Variants in CRLS1 observed in about 807,000 individuals in gnomAD.
CRLS1 encodes cardiolipin synthase 1, also known as cardiolipin synthase (CMP-forming).
Under a neutral mutation model 37.0 loss-of-function variants are expected in CRLS1, and 24 were observed. That is an observed-to-expected ratio of 0.65 (90% confidence interval 0.47 to 0.91). CRLS1 has a LOEUF of 0.91. CRLS1 is among the 40% of genes least tolerant of loss of function. The probability of loss-of-function intolerance (pLI) is 0.00; values close to 1 mark genes in which losing one functional copy is unlikely to be tolerated. For synonymous variants in CRLS1, 135 were observed against 159.7 expected, an observed-to-expected ratio of 0.85 and a Z score of 1.17; for missense variants, 373 against 395.8, an observed-to-expected ratio of 0.94 and a Z score of 0.49.
At chr20:6,011,286 G>T (rs1033726767) in intron 2 of CRLS1, among the ~76,000 whole-genome samples, 1 of 152,078 alleles carries the variant, frequency 6.6e-6, no homozygotes, top group African/African-American at 2.4e-5. Flanking sequence ...AATAAAAGTT[G>T]TATGCCGTCT....
chr20:6,032,151 C>A, intron 5 of CRLS1, 71 bp downstream of exon 5: 2 of 1,190,390 alleles, frequency 1.7e-6, no homozygotes, highest in South Asian at 1.3e-5. Context: ...AAACCTTAGT[C>A]AAGAACAGCT....
At chr20:6,024,832 AG>A (rs1979548754) in intron 3 of CRLS1, among the ~76,000 whole-genome samples, 1 of 152,230 alleles carries the variant, frequency 6.6e-6, no homozygotes, top group Admixed American at 6.5e-5. Flanking sequence ...TCTGAATAGA[AG>A]ATCACGTCAG....
At chr20:6,031,236 T>A (rs2423132) in intron 3 of CRLS1, 49 bp from the exon 4 acceptor site, 8 of 1,243,106 alleles carry the variant, frequency 6.4e-6, no homozygotes, top group Non-Finnish European at 9.3e-6. Flanking sequence ...TAATGCATAT[T>A]AGTACTCTTC....
intron 2 of CRLS1, among the ~76,000 whole-genome samples, chr20:6,011,431 G>A (rs2090130688): frequency 6.6e-6 from 1 of 151,914 alleles, no homozygotes; most frequent in Non-Finnish European, 1.5e-5. Flanking sequence ...CATTTGCATT[G>A]TTACATGGCA....
Position 6,006,460 on chromosome 20 carries a change from G to A in CRLS1, c.214G>A (p.Ala72Thr). ...CGGCCAGCGGAACCACTGTTCGGGC[G>A]CGGGGAAGGCGGCTCCCAGGCCAGC... is the stretch of plus-strand genomic sequence containing the variant. Reference protein sequence around the residue: ...GIGQRNHCSGAGKAAPRPAAG... With the variant: ...GIGQRNHCSGTGKAAPRPAAG... Residue 72 changes from alanine (A) to threonine (T), a missense_variant, in exon 1 of 7, where the codon GCG (alanine) becomes ACG (threonine). By Grantham distance (58) the Ala-to-Thr change is moderately conservative (BLOSUM62 0). Coordinates refer to ENST00000378863, the MANE Select transcript of CRLS1 (RefSeq NM_019095.6). The A allele has an allele frequency of 1.4e-6, 2 of 1,402,552 alleles. No individual in the cohort carries two copies. The highest frequency in any genetic ancestry group is 1.9e-6 in the Non-Finnish European group (2 of 1,080,490). The allele number at this position is 1,402,552 out of a possible 1,614,324, so 86.9% of individuals were successfully genotyped here.
chr20:6,026,441 C>T (rs1315753433), intron 3 of CRLS1, among the ~76,000 whole-genome samples: 3 of 152,144 alleles, frequency 2.0e-5, no homozygotes, highest in African/African-American at 7.2e-5. Flanking sequence ...ATTCGTGCAA[C>T]TCACTTTACT....
Position 6,029,380 on chromosome 20 carries a change from T to TA in CRLS1, c.575-1902dup, listed in dbSNP as rs1421955737. Reference sequence around the variant, plus strand: ...GCTCTTTTTTTTTTTTTTTTTTTTTTAAAGACAGAGTTTCACTCTTGTTGC... The same window carrying TA: ...GCTCTTTTTTTTTTTTTTTTTTTTTTAAAAGACAGAGTTTCACTCTTGTTGC... On this transcript the variant is annotated intron_variant, in intron 3 of 6. Transcript: ENST00000378863. 2.6e-5 allele frequency among the ~76,000 whole-genome samples: 3 copies of TA among 115,998 alleles called. No individual in the cohort carries two copies. The East Asian group carries it at 7.6e-4, about 29-fold the overall frequency. The allele number at this position is 115,998 out of a possible 152,430, so 76.1% of individuals were successfully genotyped here. A position where few individuals can be genotyped will look rare whatever the true frequency, so the allele number is the denominator to read the frequency against.
At chr20:6,015,306 CT>C in intron 2 of CRLS1, 54 bp from the exon 3 acceptor site, 3 of 1,177,178 alleles carry the variant, frequency 2.5e-6, no homozygotes, top group Non-Finnish European at 3.6e-6. Flanking sequence ...TTCAGAATAT[CT>C]GCTTTGTTCC....
At chr20:6,019,512 C>CTTTTTTTTTTTTTTTT (rs10610960) in intron 3 of CRLS1, among the ~76,000 whole-genome samples, 1 of 118,490 alleles carries the variant, frequency 8.4e-6, no homozygotes, top group African/African-American at 3.3e-5. Flanking sequence ...TTTTTTGTCC[C>CTTTTTTTTTTTTTTTT]TTTTTTTTTT....
rs1600339033 is a variant in CRLS1, at chr20:6,006,238, C to T, written c.-9C>T. On this transcript the variant is annotated 5_prime_UTR_variant, in exon 1 of 7. Transcript: ENST00000378863. ...GCCGCCCGAGACCCCGCGGCGCGGCCGCAGGGCCATGCTAGCCTTGCGCGT... is the reference window on the plus strand; with the variant it reads ...GCCGCCCGAGACCCCGCGGCGCGGCTGCAGGGCCATGCTAGCCTTGCGCGT... The T allele has an allele frequency of 2.4e-6, 3 of 1,225,192 alleles. No homozygotes were observed. In the Admixed American group the frequency reaches 1.3e-4, roughly 53 times the overall value. The allele number at this position is 1,225,192 out of a possible 1,614,324, so 75.9% of individuals were successfully genotyped here.
chr20:6,034,170 T>C (rs1329607098), intron 5 of CRLS1, among the ~76,000 whole-genome samples: 1 of 152,236 alleles, frequency 6.6e-6, no homozygotes, highest in Non-Finnish European at 1.5e-5. Context: ...CAAATAATTT[T>C]GTAACATTTT....
chr20:6,031,269 T>C lies in CRLS1; in HGVS notation c.575-16T>C, dbSNP rs1240357309. The C allele has an allele frequency of 6.4e-7, 1 of 1,564,086 alleles. No homozygotes were observed. The highest frequency in any genetic ancestry group is 8.8e-7 in the Non-Finnish European group (1 of 1,140,178). ...TTCAGAATCCCAGTTAAAATTATTTTATGTTTGATTTTCAGTTCCACTTAC... is the reference window on the plus strand; with the variant it reads ...TTCAGAATCCCAGTTAAAATTATTTCATGTTTGATTTTCAGTTCCACTTAC... On this transcript the variant is annotated splice_polypyrimidine_tract_variant and intron_variant, in intron 3 of 6. Transcript: ENST00000378863.
At chr20:6,010,024 T>A (rs2090112292) in intron 2 of CRLS1, 112 bp downstream of exon 2, 11 of 1,078,938 alleles carry the variant, frequency 1.0e-5, no homozygotes, top group Non-Finnish European at 3.8e-6. Flanking sequence ...AACCTCAAGA[T>A]GAATTTGACG....
intron 3 of CRLS1, among the ~76,000 whole-genome samples, chr20:6,017,130 A>G (rs1323404864): frequency 6.6e-6 from 1 of 151,996 alleles, no homozygotes; most frequent in East Asian, 1.9e-4. Flanking sequence ...ACCTACCACC[A>G]TGTGCATCAC....
intron 3 of CRLS1, 181 bp downstream of exon 3, chr20:6,015,671 A>T: frequency 1.7e-6 from 1 of 586,252 alleles, no homozygotes; most frequent in South Asian, 1.9e-5. Context: ...TTTAGAATTT[A>T]TGTCCTTGTT....
intron 3 of CRLS1, among the ~76,000 whole-genome samples, chr20:6,027,277 G>T (rs1260988468): frequency 6.6e-6 from 1 of 151,814 alleles, no homozygotes; most frequent in Non-Finnish European, 1.5e-5. Context: ...TAGAGACAGG[G>T]TTTTACCATG....
chr20:6,015,362 T>G lies in CRLS1; in HGVS notation c.446T>G (p.Leu149Trp), dbSNP rs1978662761. 1 of 1,574,088 alleles carries G rather than the reference T, an allele frequency of 6.4e-7. No individual in the cohort carries two copies. Among genetic ancestry groups the G allele is most frequent in the African/African-American group, 1.4e-5 (1 of 73,258 alleles). The change falls in exon 3 of 7, where the codon TTG becomes TGG. Residue 149 changes from leucine (L) to tryptophan (W), a missense_variant and splice_region_variant. By Grantham distance (61) the Leu-to-Trp change is moderately conservative. Transcript: ENST00000378863. Reference protein sequence around the residue: ...VFALAGLTDLLDGFIARNWAN... With the variant: ...VFALAGLTDLWDGFIARNWAN... ...ATAAAAAAAAACTTCTATTTTCAGT[T>G]GGATGGATTTATTGCTCGAAACTGG...
intron 2 of CRLS1, among the ~76,000 whole-genome samples, chr20:6,014,461 A>C (rs1978584282): frequency 6.6e-6 from 1 of 152,252 alleles, no homozygotes; most frequent in East Asian, 1.9e-4. Context: ...CCTTAGAAAT[A>C]GTATTAGAGA....
intron 6 of CRLS1, among the ~76,000 whole-genome samples, chr20:6,036,216 G>T (rs761387925): frequency 1.3e-5 from 2 of 152,156 alleles, no homozygotes; most frequent in African/African-American, 2.4e-5. Context: ...TGCCAAAGTG[G>T]TAGGATTATA....
Sources: gnomAD v4.1 joint callset for allele counts (sites outside exome capture counted in the v4.1 genomes callset) on GRCh38, gnomAD v4.1.1 for gene constraint, MANE v1.5 for transcripts, NCBI Gene and HGNC (gene_info 2026-07-23, HGNC 2026-07-21) for gene names.